Variants in EPHA6 observed in about 807,000 individuals in gnomAD.
EPHA6 encodes ephrin type-A receptor 6.
Under a neutral mutation model 112.0 loss-of-function variants are expected in EPHA6, and 50 were observed. The observed-to-expected ratio is 0.45, with a 90% CI of 0.36 to 0.56. The LOEUF is 0.56. Among genes scored for constraint, EPHA6 ranks in the 20% least tolerant of loss-of-function variants. The pLI, the probability that EPHA6 is intolerant of heterozygous loss-of-function variation, is 0.00. For synonymous variants in EPHA6, 529 were observed against 490.7 expected, an observed-to-expected ratio of 1.08 and a Z score of -1.03; for missense variants, 1,280 against 1,417.4, an observed-to-expected ratio of 0.90 and a Z score of 1.56.
chr3:96,906,640 G>T (rs2038950137), intron 2 of EPHA6, among the ~76,000 whole-genome samples: 2 of 151,970 alleles, frequency 1.3e-5, no homozygotes, highest in Non-Finnish European at 2.9e-5. Context: ...CACATCATTT[G>T]TTCTTTGTCA....
chr3:97,481,665 C>T (rs897388707), intron 9 of EPHA6, among the ~76,000 whole-genome samples: 7 of 151,734 alleles, frequency 4.6e-5, no homozygotes, highest in Admixed American at 6.6e-5. Flanking sequence ...CTGCCTTCAA[C>T]GGCCGCCCGG....
intron 3 of EPHA6, among the ~76,000 whole-genome samples, chr3:97,118,978 C>T (rs1461734632): frequency 6.6e-6 from 1 of 151,910 alleles, no homozygotes; most frequent in East Asian, 1.9e-4. Context: ...GGCCTATTTA[C>T]TCACAAGCCT....
intron 1 of EPHA6, among the ~76,000 whole-genome samples, chr3:96,829,938 TGC>T (rs368535487): frequency 3.3e-4 from 40 of 120,216 alleles, no homozygotes; most frequent in Non-Finnish European, 5.6e-4. Flanking sequence ...CACGTGCATG[TGC>T]GCGCGCGCGC....
intron 2 of EPHA6, among the ~76,000 whole-genome samples, chr3:96,979,473 T>G (rs1187423488): frequency 6.6e-6 from 1 of 152,150 alleles, no homozygotes; most frequent in African/African-American, 2.4e-5. Flanking sequence ...GGGTTGGTTC[T>G]AAGTCTTTGC....
At chr3:97,660,020 A>C (rs2094159756) in intron 14 of EPHA6, among the ~76,000 whole-genome samples, 1 of 152,042 alleles carries the variant, frequency 6.6e-6, no homozygotes, top group African/African-American at 2.4e-5. Context: ...ATAGAGAAAT[A>C]TAAGGAAATC....
intron 5 of EPHA6, among the ~76,000 whole-genome samples, chr3:97,403,212 ACAAT>A (rs1317153681): frequency 6.6e-6 from 1 of 152,102 alleles, no homozygotes; most frequent in Admixed American, 6.5e-5. Context: ...ACTAACATCA[ACAAT>A]ATCATTATTA....
At chr3:96,892,250 T>C (rs2038005467) in intron 2 of EPHA6, among the ~76,000 whole-genome samples, 2 of 152,174 alleles carry the variant, frequency 1.3e-5, no homozygotes, top group East Asian at 3.9e-4. Context: ...AGACAGAGTC[T>C]TGCTCTGTCG....
At chr3:97,014,536 C>T (rs908284912) in intron 3 of EPHA6, among the ~76,000 whole-genome samples, 1 of 152,098 alleles carries the variant, frequency 6.6e-6, no homozygotes, top group Non-Finnish European at 1.5e-5. Flanking sequence ...CTTAATACAT[C>T]TCTTCTTCCA....
chr3:97,217,670 T>C (rs923418632), intron 3 of EPHA6, among the ~76,000 whole-genome samples: 3 of 152,170 alleles, frequency 2.0e-5, no homozygotes, highest in Non-Finnish European at 4.4e-5. Context: ...TATATCACAA[T>C]ATCCAATCAT....
intron 3 of EPHA6, among the ~76,000 whole-genome samples, chr3:97,084,125 G>GATATAT (rs747964175): frequency 5.4e-5 from 5 of 92,452 alleles, no homozygotes; most frequent in African/African-American, 2.3e-4. Context: ...TATATATATG[G>GATATAT]ATATATATCC....
At chr3:97,695,923 A>G (rs1221062609) in intron 14 of EPHA6, among the ~76,000 whole-genome samples, 1 of 152,344 alleles carries the variant, frequency 6.6e-6, no homozygotes, top group Non-Finnish European at 1.5e-5. Context: ...TTGTTGAGTG[A>G]CAGCTAATTT....
At chr3:97,590,791 T>C (rs2093536241) in intron 11 of EPHA6, among the ~76,000 whole-genome samples, 1 of 152,214 alleles carries the variant, frequency 6.6e-6, no homozygotes, top group Non-Finnish European at 1.5e-5. Context: ...TCATTACTCT[T>C]GCAACTTTAA....
At chr3:97,387,028 T>C (rs2086108301) in intron 5 of EPHA6, among the ~76,000 whole-genome samples, 2 of 152,310 alleles carry the variant, frequency 1.3e-5, no homozygotes, top group Admixed American at 6.5e-5. Flanking sequence ...GCACCATGTC[T>C]TGAGGCTGCA....
intron 14 of EPHA6, among the ~76,000 whole-genome samples, chr3:97,643,752 T>C (rs1245423752): frequency 6.6e-6 from 1 of 151,708 alleles, no homozygotes; most frequent in East Asian, 1.9e-4. Context: ...CCTAAATATA[T>C]ATGCACCCAA....
intron 2 of EPHA6, among the ~76,000 whole-genome samples, chr3:96,901,268 A>C (rs1383939332): frequency 6.6e-6 from 1 of 152,126 alleles, no homozygotes; most frequent in Non-Finnish European, 1.5e-5. Context: ...AATGAAAAAA[A>C]ATCTTATGTT....
In EPHA6 at chr3:97,752,695, T is replaced by A. The variant is rs1412036463; in HGVS notation, c.*3994T>A. Among the ~76,000 whole-genome samples the A allele has an allele frequency of 6.6e-6, 1 of 152,116 alleles. No homozygotes were observed. Among genetic ancestry groups the A allele is most frequent in the African/African-American group, 2.4e-5 (1 of 41,470 alleles). On this transcript the variant is annotated 3_prime_UTR_variant, in exon 18 of 18. Coordinates refer to ENST00000389672, the MANE Select transcript of EPHA6 (RefSeq NM_001080448.3). ...CACAGAGGATATGGGTTCTGGCTTT[T>A]CCTTAACTTGAAATCAAGTTTTTGG... is the stretch of plus-strand genomic sequence containing the variant.
chr3:97,631,885 TTA>T (rs2093905909), intron 13 of EPHA6, among the ~76,000 whole-genome samples: 1 of 152,010 alleles, frequency 6.6e-6, no homozygotes, highest in South Asian at 2.1e-4. Context: ...GGGCAGTGAT[TTA>T]TATTATGGTC....
intron 5 of EPHA6, among the ~76,000 whole-genome samples, chr3:97,378,418 G>T (rs60300039): frequency 6.6e-6 from 1 of 152,192 alleles, no homozygotes; most frequent in Non-Finnish European, 1.5e-5. Flanking sequence ...ATGTGGGGTC[G>T]GAGCCCCCAC....
chr3:97,184,887 A>G (rs1313254065), intron 3 of EPHA6, among the ~76,000 whole-genome samples: 5 of 152,188 alleles, frequency 3.3e-5, no homozygotes, highest in African/African-American at 4.8e-5. Flanking sequence ...ATGGAACAGA[A>G]CAGAATCCTC....
Sources: allele counts gnomAD v4.1 joint callset (sites outside exome capture counted in the v4.1 genomes callset), GRCh38; gene constraint gnomAD v4.1.1; transcripts MANE v1.5; gene names NCBI Gene and HGNC (gene_info 2026-07-23, HGNC 2026-07-21).